Variants in IL1RAPL1 observed in about 807,000 individuals in gnomAD.
The protein encoded by IL1RAPL1 is interleukin 1 receptor accessory protein like 1.
In IL1RAPL1, 3 loss-of-function variants were observed where a neutral mutation model predicts 48.4. That is an observed-to-expected ratio of 0.06 (90% CI 0.03 to 0.16). IL1RAPL1 has a LOEUF of 0.16. Ranked by LOEUF, IL1RAPL1 falls within the 10% of genes least tolerant of loss-of-function variation. The pLI, the probability that IL1RAPL1 is intolerant of heterozygous loss-of-function variation, is 1.00. For synonymous variants in IL1RAPL1, 185 were observed against 187.7 expected (o/e 0.99, Z 0.12); for missense variants, 349 against 530.6 (o/e 0.66, Z 3.36).
chrX:28,752,113 T>A (rs1291828167), intron 1 of IL1RAPL1, among the ~76,000 whole-genome samples: 2 of 112,331 alleles, frequency 1.8e-5, no homozygotes, highest in Non-Finnish European at 3.8e-5. Flanking sequence ...TTAAAATAAC[T>A]TTTATTTTTA....
At chrX:29,920,179 T>C (rs1932834393) in intron 8 of IL1RAPL1, 85 bp downstream of exon 8, 1 of 1,103,679 alleles carries the variant, frequency 9.1e-7, no homozygotes, top group African/African-American at 1.8e-5. Flanking sequence ...CAAATTTAGT[T>C]TTGTTTTTCT....
chrX:29,427,326 C>G (rs1272818160), intron 5 of IL1RAPL1, among the ~76,000 whole-genome samples: 1 of 112,298 alleles, frequency 8.9e-6, no homozygotes, highest in African/African-American at 3.2e-5. Flanking sequence ...GTGACAAACC[C>G]TATTGGTTCT....
chrX:29,824,064 A>G (rs1930678953), intron 6 of IL1RAPL1, among the ~76,000 whole-genome samples: 1 of 111,344 alleles, frequency 9.0e-6, no homozygotes, highest in Admixed American at 9.6e-5. Context: ...ACCAGAAACA[A>G]TTATTTAAAC....
intron 5 of IL1RAPL1, among the ~76,000 whole-genome samples, chrX:29,587,571 A>G (rs999458850): frequency 8.9e-6 from 1 of 112,268 alleles, no homozygotes; most frequent in Non-Finnish European, 1.9e-5. Flanking sequence ...ACATCTGTTA[A>G]TAACTTGATT....
intron 5 of IL1RAPL1, among the ~76,000 whole-genome samples, chrX:29,413,513 C>T (rs1934174091): frequency 1.1e-5 from 1 of 89,777 alleles, no homozygotes; most frequent in Non-Finnish European, 2.2e-5. Flanking sequence ...CCTACCCCCA[C>T]CCCACAACAG....
At chrX:29,487,469 C>G (rs960827182) in intron 5 of IL1RAPL1, among the ~76,000 whole-genome samples, 4 of 111,544 alleles carry the variant, frequency 3.6e-5, no homozygotes, top group African/African-American at 1.3e-4. Flanking sequence ...CAGATATGTA[C>G]AAGTGTTGCT....
At chrX:28,663,782 G>A (rs1934846185) in intron 1 of IL1RAPL1, among the ~76,000 whole-genome samples, 1 of 111,913 alleles carries the variant, frequency 8.9e-6, no homozygotes, top group African/African-American at 3.2e-5. Flanking sequence ...CTACACAATA[G>A]ATGAACCTGG....
At chrX:29,284,866 G>C (rs1238880678) in intron 3 of IL1RAPL1, among the ~76,000 whole-genome samples, 1 of 112,210 alleles carries the variant, frequency 8.9e-6, no homozygotes. Flanking sequence ...GGTTTTGTAG[G>C]GGTACAGATC....
At chrX:29,611,818 TG>T (rs757601618) in intron 5 of IL1RAPL1, among the ~76,000 whole-genome samples, 4 of 110,753 alleles carry the variant, frequency 3.6e-5, no homozygotes, top group Non-Finnish European at 5.7e-5. Flanking sequence ...GTGGGATGGA[TG>T]GGGAGCTCGA....
chrX:29,905,606 C>T (rs1932594957), intron 6 of IL1RAPL1, among the ~76,000 whole-genome samples: 1 of 110,975 alleles, frequency 9.0e-6, no homozygotes, highest in African/African-American at 3.3e-5. Context: ...GTTTTCCTAG[C>T]ACCATTTATT....
intron 3 of IL1RAPL1, among the ~76,000 whole-genome samples, chrX:29,337,080 C>A (rs1475974474): frequency 9.0e-6 from 1 of 111,277 alleles, no homozygotes; most frequent in East Asian, 2.8e-4. Context: ...ACTCAGCATA[C>A]AAAGGTGCCA....
At chrX:28,873,984 A>T (rs1450550342) in intron 2 of IL1RAPL1, among the ~76,000 whole-genome samples, 7 of 110,270 alleles carry the variant, frequency 6.3e-5, no homozygotes, top group Non-Finnish European at 1.3e-4. Context: ...AAAAAAAAAA[A>T]AAAAATTGTT....
At chrX:29,766,342 A>AAAATATATAT (rs1200679211) in intron 6 of IL1RAPL1, among the ~76,000 whole-genome samples, 1 of 47,542 alleles carries the variant, frequency 2.1e-5, no homozygotes, top group African/African-American at 9.0e-5. Flanking sequence ...AAAAAAAAAA[A>AAAATATATAT]ATATATATAT....
intron 1 of IL1RAPL1, among the ~76,000 whole-genome samples, chrX:28,781,735 C>A (rs1325276608): frequency 1.8e-5 from 2 of 111,009 alleles, no homozygotes; most frequent in East Asian, 5.6e-4. Context: ...AGAATTTTTA[C>A]CACTTACAGA....
At chrX:29,450,040 A>G (rs1281390033) in intron 5 of IL1RAPL1, among the ~76,000 whole-genome samples, 1 of 111,143 alleles carries the variant, frequency 9.0e-6, no homozygotes, top group Non-Finnish European at 1.9e-5. Context: ...CACTTTTACT[A>G]TTACAATCTT....
intron 1 of IL1RAPL1, among the ~76,000 whole-genome samples, chrX:28,605,342 A>G (rs1934071697): frequency 8.9e-6 from 1 of 111,853 alleles, no homozygotes; most frequent in Non-Finnish European, 1.9e-5. Context: ...TTTGTTCGCA[A>G]TTTTCCCATC....
At chrX:29,819,342 C>T (rs1430476099) in intron 6 of IL1RAPL1, among the ~76,000 whole-genome samples, 2 of 110,705 alleles carry the variant, frequency 1.8e-5, no homozygotes, top group South Asian at 3.9e-4. Context: ...TGAAAAAAGA[C>T]GTTAACTAGA....
At chrX:29,542,518 T>A (rs1002541110) in intron 5 of IL1RAPL1, among the ~76,000 whole-genome samples, 2 of 112,389 alleles carry the variant, frequency 1.8e-5, no homozygotes, top group Admixed American at 1.9e-4. Flanking sequence ...TAAAACTACT[T>A]CTTCTATCTA....
chrX:29,643,927 G>T (rs1279217782), intron 5 of IL1RAPL1, among the ~76,000 whole-genome samples: 1 of 111,507 alleles, frequency 9.0e-6, no homozygotes, highest in East Asian at 2.8e-4. Context: ...CCTTAACTAG[G>T]TATTTCACTT....
Sources: allele counts gnomAD v4.1 joint callset (sites outside exome capture counted in the v4.1 genomes callset), GRCh38; gene constraint gnomAD v4.1.1; transcripts MANE v1.5; gene names NCBI Gene and HGNC (gene_info 2026-07-23, HGNC 2026-07-21).